The following VWA3B variants were observed in gnomAD, a reference collection of about 807,000 sequenced individuals.
The protein encoded by VWA3B is von Willebrand factor A domain-containing protein 3B.
Under a neutral mutation model 158.3 loss-of-function variants are expected in VWA3B, and 138 were observed. The observed-to-expected ratio is 0.87, with a 90% CI of 0.76 to 1.00. VWA3B has a LOEUF of 1.00. Among genes scored for constraint, VWA3B ranks in the 50% least tolerant of loss-of-function variants. The pLI, the probability that VWA3B is intolerant of heterozygous loss-of-function variation, is 0.00. For synonymous variants in VWA3B, 596 were observed against 587.3 expected, an observed-to-expected ratio of 1.01 and a Z score of -0.21; for missense variants, 1,555 against 1,565.1, an observed-to-expected ratio of 0.99 and a Z score of 0.11.
intron 8 of VWA3B, among the ~76,000 whole-genome samples, chr2:98,167,248 GA>G (rs1679160825): frequency 6.6e-6 from 1 of 152,166 alleles, no homozygotes; most frequent in Non-Finnish European, 1.5e-5. Context: ...GTTTCTGGGA[GA>G]AATGTCTCAT....
chr2:98,104,519 G>A (rs1264752658), intron 2 of VWA3B, among the ~76,000 whole-genome samples: 3 of 152,140 alleles, frequency 2.0e-5, no homozygotes, highest in Non-Finnish European at 4.4e-5. Flanking sequence ...CATTCATGAG[G>A]GATCTGTCGC....
intron 23 of VWA3B, among the ~76,000 whole-genome samples, chr2:98,295,910 C>A (rs1014818149): frequency 6.6e-6 from 1 of 152,162 alleles, no homozygotes; most frequent in Non-Finnish European, 1.5e-5. Context: ...CACATGGGGG[C>A]CCTCGAGGCC....
chr2:98,186,233 T>G (rs2105378122), intron 9 of VWA3B, among the ~76,000 whole-genome samples: 1 of 151,024 alleles, frequency 6.6e-6, no homozygotes, highest in African/African-American at 2.4e-5. Flanking sequence ...TCTCTCAGTC[T>G]TCTTTGTGAC....
At position 98,312,557 on chromosome 2, in the gene VWA3B, C is replaced by T. The variant is rs1558788915; in HGVS notation, c.*208C>T. 1.7e-6 allele frequency: 1 copy of T among 592,364 alleles called. No individual in the cohort carries two copies. The highest frequency in any genetic ancestry group is 2.9e-5 in the East Asian group (1 of 34,880). 36.7% of individuals were successfully genotyped at this position (592,364 alleles called of 1,614,324 possible). A position where few individuals can be genotyped will look rare whatever the true frequency, so the allele number is the denominator to read the frequency against. Reference sequence around the variant, plus strand: ...ACGACTTGGTTCTGGCTTTTTCTGACTGTTCTTTATCCTGTTTTCCCCCTG... The same window carrying T: ...ACGACTTGGTTCTGGCTTTTTCTGATTGTTCTTTATCCTGTTTTCCCCCTG... On this transcript the variant is annotated 3_prime_UTR_variant, in exon 28 of 28. Transcript: ENST00000477737.
intron 7 of VWA3B, among the ~76,000 whole-genome samples, chr2:98,155,786 T>C (rs1678016045): frequency 6.6e-6 from 1 of 152,246 alleles, no homozygotes; most frequent in East Asian, 1.9e-4. Context: ...TTCCCAGCAC[T>C]GTGCAGGGGA....
At chr2:98,123,319 C>T (rs759509675) in intron 5 of VWA3B, among the ~76,000 whole-genome samples, 10 of 152,198 alleles carry the variant, frequency 6.6e-5, no homozygotes, top group Non-Finnish European at 1.3e-4. Context: ...CTGAGAGGAG[C>T]CAGGAAAGTG....
chr2:98,223,491 T>G (rs1452321401), intron 14 of VWA3B, among the ~76,000 whole-genome samples: 1 of 152,000 alleles, frequency 6.6e-6, no homozygotes, highest in Non-Finnish European at 1.5e-5. Context: ...GATTCAAGAA[T>G]CTGAGTAAAC....
chr2:98,274,155 A>G (rs1010492791), intron 22 of VWA3B, among the ~76,000 whole-genome samples: 10 of 152,002 alleles, frequency 6.6e-5, no homozygotes, highest in African/African-American at 2.4e-4. Context: ...GATACCTTAT[A>G]TTGGACACAA....
At chr2:98,230,663 C>A (rs1024815723) in intron 16 of VWA3B, among the ~76,000 whole-genome samples, 1 of 152,112 alleles carries the variant, frequency 6.6e-6, no homozygotes, top group South Asian at 2.1e-4. Flanking sequence ...TAACCACACC[C>A]ACCTCCCTTG....
intron 2 of VWA3B, among the ~76,000 whole-genome samples, chr2:98,112,676 A>AG (rs1315166436): frequency 6.6e-6 from 1 of 151,390 alleles, no homozygotes; most frequent in Non-Finnish European, 1.5e-5. Context: ...TTGGATCTGT[A>AG]GGGTTTTTTT....
At chr2:98,234,219 TC>T (rs1186294169) in intron 16 of VWA3B, among the ~76,000 whole-genome samples, 2 of 152,242 alleles carry the variant, frequency 1.3e-5, no homozygotes, top group Non-Finnish European at 2.9e-5. Context: ...AGGGGCTATT[TC>T]CAGCTGGTGG....
chr2:98,301,348 A>G (rs1690177461), intron 25 of VWA3B, among the ~76,000 whole-genome samples: 1 of 151,964 alleles, frequency 6.6e-6, no homozygotes. Context: ...ATGAACATTC[A>G]CTCTGCTCTT....
At chr2:98,223,295 A>G (rs1405654983) in intron 14 of VWA3B, among the ~76,000 whole-genome samples, 1 of 138,114 alleles carries the variant, frequency 7.2e-6, no homozygotes. Context: ...TAAACAACAG[A>G]GAGAAAATAG....
chr2:98,236,813 T>C, intron 19 of VWA3B, 83 bp downstream of exon 19: 1 of 1,512,026 alleles, frequency 6.6e-7, no homozygotes, highest in Non-Finnish European at 8.9e-7. Context: ...TCTTGTGTGG[T>C]TGTAACAGAA....
intron 12 of VWA3B, among the ~76,000 whole-genome samples, chr2:98,203,733 G>A (rs1682781439): frequency 6.6e-6 from 1 of 152,220 alleles, no homozygotes. Flanking sequence ...TTTGTTGTCA[G>A]TGTGTAGAAA....
At position 98,213,196 on chromosome 2, in the gene VWA3B, G is replaced by T. The variant is rs1001294748; in HGVS notation, c.1836+1168G>T. Reference sequence around the variant, plus strand: ...TGTGGAAATATGTGGGGGGCTCAGAGAAAAAAGCTGAGGACAGGGGCAACG... The same window carrying T: ...TGTGGAAATATGTGGGGGGCTCAGATAAAAAAGCTGAGGACAGGGGCAACG... On this transcript the variant is annotated intron_variant, in intron 13 of 27. Coordinates refer to ENST00000477737, the MANE Select transcript of VWA3B (RefSeq NM_144992.5). 3.9e-5 allele frequency among the ~76,000 whole-genome samples: 6 copies of T among 152,304 alleles called. No homozygotes were observed. In the South Asian group the frequency reaches 1.2e-3, roughly 32 times the overall value.
chr2:98,212,032 C>T lies in VWA3B; in HGVS notation c.1836+4C>T, dbSNP rs1475036559. The T allele has an allele frequency of 6.8e-6, 11 of 1,613,126 alleles. No individual in the cohort carries two copies. Among genetic ancestry groups the T allele is most frequent in the African/African-American group, 1.3e-5 (1 of 74,866 alleles). On this transcript the variant is annotated splice_donor_region_variant and intron_variant, in intron 13 of 27. Transcript: ENST00000477737. ...GACCGATGGGAGACCTGATCAGGTA[C>T]TTACCAGAGCTGGGAACAAAGAGGG...
chr2:98,152,045 C>T (rs1677680413), intron 7 of VWA3B, among the ~76,000 whole-genome samples: 1 of 152,306 alleles, frequency 6.6e-6, no homozygotes, highest in South Asian at 2.1e-4. Context: ...GGAGTGAATA[C>T]TGTACTGTTA....
chr2:98,169,856 C>T (rs1679431180), intron 8 of VWA3B, among the ~76,000 whole-genome samples: 1 of 151,940 alleles, frequency 6.6e-6, no homozygotes, highest in Non-Finnish European at 1.5e-5. Context: ...TGGTGGCTCA[C>T]ACCTGTAATC....
Sources: gnomAD v4.1 joint callset for allele counts (sites outside exome capture counted in the v4.1 genomes callset) on GRCh38, gnomAD v4.1.1 for gene constraint, MANE v1.5 for transcripts, NCBI Gene and HGNC (gene_info 2026-07-23, HGNC 2026-07-21) for gene names.